The following SDK2 variants were observed in gnomAD, a reference collection of about 807,000 sequenced individuals.
The protein encoded by SDK2 is protein sidekick-2.
SDK2 carries 105 observed loss-of-function variants against 253.9 expected under a neutral mutation model. The observed-to-expected ratio is 0.41, with a 90% CI of 0.35 to 0.49. The LOEUF (loss-of-function observed/expected upper bound fraction) is 0.49, where lower values mean the gene tolerates loss of function less well. Ranked by LOEUF, SDK2 falls within the 20% of genes least tolerant of loss-of-function variation. SDK2 has a pLI of 0.06. For synonymous variants in SDK2, 1,249 were observed against 1,234.9 expected, an observed-to-expected ratio of 1.01 and a Z score of -0.24; for missense variants, 2,608 against 3,003.0, an observed-to-expected ratio of 0.87 and a Z score of 3.07.
intron 1 of SDK2, among the ~76,000 whole-genome samples, chr17:73,551,215 T>C (rs1429781291): frequency 6.6e-6 from 1 of 152,132 alleles, no homozygotes; most frequent in Non-Finnish European, 1.5e-5. Context: ...TGTTGGGTGA[T>C]GGCGGCCGGC....
At chr17:73,480,590 C>A (rs992482325) in intron 2 of SDK2, among the ~76,000 whole-genome samples, 12 of 152,092 alleles carry the variant, frequency 7.9e-5, no homozygotes, top group African/African-American at 2.9e-4. Context: ...CTTCTGGTAG[C>A]AGCCCTAAGG....
At chr17:73,423,028 G>GAATAAATA (rs1279187898) in intron 14 of SDK2, among the ~76,000 whole-genome samples, 5 of 31,078 alleles carry the variant, frequency 1.6e-4, no homozygotes, top group South Asian at 1.2e-3. Context: ...TCTCAAAAAT[G>GAATAAATA]AATAAATAAA....
At chr17:73,483,579 GTA>G (rs935105987) in intron 2 of SDK2, among the ~76,000 whole-genome samples, 10 of 134,978 alleles carry the variant, frequency 7.4e-5, no homozygotes, top group Admixed American at 1.5e-4. Flanking sequence ...ATATGTATGT[GTA>G]TATATATGTA....
At chr17:73,623,729 G>T (rs1453135017) in intron 1 of SDK2, among the ~76,000 whole-genome samples, 7 of 151,990 alleles carry the variant, frequency 4.6e-5, no homozygotes, top group Non-Finnish European at 1.0e-4. Flanking sequence ...CCCAGATCCC[G>T]ACTCTCTCTG....
intron 1 of SDK2, among the ~76,000 whole-genome samples, chr17:73,562,859 C>A (rs927005994): frequency 6.6e-6 from 1 of 152,212 alleles, no homozygotes; most frequent in African/African-American, 2.4e-5. Flanking sequence ...AGCAGCCGCA[C>A]GAGGCAGGTT....
intron 36 of SDK2, among the ~76,000 whole-genome samples, chr17:73,372,441 G>C (rs1233394165): frequency 6.6e-6 from 1 of 152,188 alleles, no homozygotes; most frequent in African/African-American, 2.4e-5. Flanking sequence ...ATCAATATCT[G>C]CTGGATGAAT....
chr17:73,597,117 C>T (rs994031390), intron 1 of SDK2, among the ~76,000 whole-genome samples: 1 of 152,216 alleles, frequency 6.6e-6, no homozygotes, highest in African/African-American at 2.4e-5. Flanking sequence ...TGTTCCCAAG[C>T]TCATCTGTCT....
chr17:73,450,829 G>T (rs1358266195), intron 4 of SDK2, among the ~76,000 whole-genome samples: 1 of 152,174 alleles, frequency 6.6e-6, no homozygotes, highest in Admixed American at 6.5e-5. Flanking sequence ...CGCATCCCGT[G>T]GTGCACAGGA....
chr17:73,408,078 G>T (rs1441952070), intron 18 of SDK2, among the ~76,000 whole-genome samples: 1 of 118,924 alleles, frequency 8.4e-6, no homozygotes, highest in Admixed American at 1.0e-4. Flanking sequence ...TTGAGACAGA[G>T]TCTGGCTCTG....
chr17:73,429,701 G>A (rs563563888), intron 12 of SDK2, among the ~76,000 whole-genome samples: 1 of 152,322 alleles, frequency 6.6e-6, no homozygotes, highest in African/African-American at 2.4e-5. Context: ...CAACACGCAG[G>A]GAATATTTAT....
At chr17:73,406,542 G>A (rs1003448092) in intron 18 of SDK2, among the ~76,000 whole-genome samples, 4 of 151,906 alleles carry the variant, frequency 2.6e-5, no homozygotes, top group Admixed American at 2.0e-4. Flanking sequence ...GAGCCACCGC[G>A]CCTGGCCTGT....
intron 1 of SDK2, among the ~76,000 whole-genome samples, chr17:73,561,165 A>G (rs569443027): frequency 6.6e-6 from 1 of 152,274 alleles, no homozygotes; most frequent in African/African-American, 2.4e-5. Flanking sequence ...AGATGGGGCC[A>G]AGGGAGGGGC....
At position 73,395,266 on chromosome 17, in the gene SDK2, T is replaced by C; in HGVS notation, c.3481A>G (p.Thr1161Ala). The C allele has an allele frequency of 6.2e-7, 1 of 1,613,880 alleles. No individual in the cohort carries two copies. Among genetic ancestry groups the C allele is most frequent in the Non-Finnish European group, 8.5e-7 (1 of 1,179,870 alleles). ...GTCCACTCCTCCAGGTCCTCGATGG[T>C]GTAGTCCCGCTCCACACGGTCCTGC... Reference protein sequence around the residue: ...VVQDRVERDYTIEDLEEWTEY... With the variant: ...VVQDRVERDYAIEDLEEWTEY... The change falls in exon 25 of 45, where the codon ACC becomes GCC. Residue 1161 changes from threonine to alanine, a missense_variant. Coordinates refer to ENST00000392650, the MANE Select transcript of SDK2 (RefSeq NM_001144952.2). This position sits in a 1 kb window ranked among gnomAD's most constrained non-coding sequence, Gnocchi z 4.3.
rs2062545687 is a variant in SDK2, at chr17:73,352,330, CACAGCCCCGA to C, written c.5758+133_5758+142del. The C allele has an allele frequency of 1.0e-5, 11 of 1,075,642 alleles. No individual in the cohort carries two copies. Among genetic ancestry groups the C allele is most frequent in the Non-Finnish European group, 1.4e-5 (11 of 764,164 alleles). 66.6% of individuals were successfully genotyped at this position (1,075,642 alleles called of 1,614,324 possible). On this transcript the variant is annotated intron_variant, in intron 41 of 44. Transcript: ENST00000392650. This position sits in a 1 kb window ranked among gnomAD's most constrained non-coding sequence, Gnocchi z 4.1. ...GCCTGGGCACCAGCACTTGCCTCTTCACAGCCCCGAGGGGACAATGTGTTTTTGTTCCCGC... is the reference window on the plus strand; with the variant it reads ...GCCTGGGCACCAGCACTTGCCTCTTCGGGGACAATGTGTTTTTGTTCCCGC...
chr17:73,408,972 T>A (rs1050612108), intron 18 of SDK2, among the ~76,000 whole-genome samples: 2 of 152,190 alleles, frequency 1.3e-5, no homozygotes, highest in Non-Finnish European at 2.9e-5. Flanking sequence ...TAAATAGAGA[T>A]CTCATCTATA....
intron 1 of SDK2, among the ~76,000 whole-genome samples, chr17:73,563,522 T>C (rs1478380449): frequency 1.3e-5 from 2 of 152,126 alleles, no homozygotes; most frequent in Non-Finnish European, 2.9e-5. Context: ...GAGGCTGCAG[T>C]GAGCTATGAA....
At chr17:73,508,482 T>A (rs1183275794) in intron 1 of SDK2, among the ~76,000 whole-genome samples, 2 of 152,182 alleles carry the variant, frequency 1.3e-5, no homozygotes, top group Non-Finnish European at 2.9e-5. Flanking sequence ...GGAGGGGCTC[T>A]AATCCGTCAA....
intron 18 of SDK2, among the ~76,000 whole-genome samples, chr17:73,409,853 G>GTC (rs58109602): frequency 2.6e-5 from 4 of 151,968 alleles, no homozygotes; most frequent in East Asian, 1.9e-4. Context: ...GTCTGTCTCT[G>GTC]TCTCTCTCTT....
chr17:73,557,124 C>T (rs765837497), intron 1 of SDK2, among the ~76,000 whole-genome samples: 3 of 152,212 alleles, frequency 2.0e-5, no homozygotes, highest in Non-Finnish European at 4.4e-5. Context: ...GGGCTTTGGC[C>T]TCCTTATCTA....
Sources: gnomAD v4.1 joint callset for allele counts (sites outside exome capture counted in the v4.1 genomes callset) on GRCh38, gnomAD v4.1.1 for gene constraint, Gnocchi (gnomAD v3.1) non-coding constraint, MANE v1.5 for transcripts, NCBI Gene and HGNC (gene_info 2026-07-23, HGNC 2026-07-21) for gene names.